APBB1IP: variants seen among roughly 807,000 people sequenced by gnomAD.
APBB1IP encodes the protein amyloid beta precursor protein binding family B member 1 interacting protein.
A neutral mutation model predicts 64.9 loss-of-function variants in APBB1IP; 27 were observed. That is an observed-to-expected ratio of 0.42 (90% CI 0.31 to 0.57). APBB1IP has a LOEUF of 0.57. Ranked by LOEUF, APBB1IP falls within the 20% of genes least tolerant of loss-of-function variation. APBB1IP has a pLI of 0.20. For synonymous variants in APBB1IP, 392 were observed against 331.0 expected (o/e 1.18, Z -2.00); for missense variants, 812 against 845.5 (o/e 0.96, Z 0.49).
chr10:26,481,544 G>C (rs1318536609), intron 2 of APBB1IP, among the ~76,000 whole-genome samples: 1 of 152,164 alleles, frequency 6.6e-6, no homozygotes, highest in African/African-American at 2.4e-5. Context: ...GAGGGCAGTA[G>C]TGCTGTCATA....
At position 26,511,969 on chromosome 10, in the gene APBB1IP, G is replaced by A. The variant is rs936065598; in HGVS notation, c.691+63G>A. 3.9e-6 allele frequency: 6 copies of A among 1,552,346 alleles called. No individual in the cohort carries two copies. The African/African-American group carries it at 8.3e-5, about 21-fold the overall frequency. On this transcript the variant is annotated intron_variant, in intron 7 of 14. Transcript: ENST00000376236. ...ACCTTGTGGGTTTGCTGTATAATGG[G>A]CTTGGGTTTATTCTTTTTTTCTCTT...
intron 2 of APBB1IP, among the ~76,000 whole-genome samples, chr10:26,454,098 A>G (rs1307300912): frequency 6.6e-6 from 1 of 152,232 alleles, no homozygotes; most frequent in Non-Finnish European, 1.5e-5. Context: ...AAAAAAATCC[A>G]GGCACAGAAT....
chr10:26,534,294 CA>C (rs71403804), intron 9 of APBB1IP, among the ~76,000 whole-genome samples: 3,257 of 58,482 alleles, frequency 0.056, 28 homozygotes, highest in African/African-American at 0.061. Context: ...GATCCAGTCT[CA>C]AAAAAAAAAA....
intron 4 of APBB1IP, 74 bp downstream of exon 4, chr10:26,496,465 T>A (rs907911480): frequency 4.7e-5 from 59 of 1,250,424 alleles, no homozygotes; most frequent in Non-Finnish European, 6.5e-5. Flanking sequence ...AAACTATAAT[T>A]TGAAAACTAA....
Position 26,546,074 on chromosome 10 carries a change from T to C in APBB1IP, c.1155+4382T>C, listed in dbSNP as rs544665579. ...AGGTCCTGTCAGAAAGATTGGCGTC[T>C]GAGTCCTGGCCCTGTCACCTAGTAA... On this transcript the variant is annotated intron_variant, in intron 11 of 14. Coordinates refer to ENST00000376236, the MANE Select transcript of APBB1IP (RefSeq NM_019043.4). Among the ~76,000 whole-genome samples the C allele has an allele frequency of 2.0e-5, 3 of 152,378 alleles. No individual in the cohort carries two copies. In the South Asian group the frequency reaches 6.2e-4, roughly 32 times the overall value.
chr10:26,441,968 G>A (rs1184881551), intron 2 of APBB1IP, among the ~76,000 whole-genome samples: 2 of 152,178 alleles, frequency 1.3e-5, no homozygotes, highest in African/African-American at 2.4e-5. Flanking sequence ...CACAGAGAGG[G>A]TAAGAAACTT....
chr10:26,453,995 T>G (rs559412389), intron 2 of APBB1IP, among the ~76,000 whole-genome samples: 40 of 152,182 alleles, frequency 2.6e-4, no homozygotes, highest in Non-Finnish European at 4.9e-4. Context: ...AAAGAAAATA[T>G]GGTACTTATC....
intron 2 of APBB1IP, among the ~76,000 whole-genome samples, chr10:26,481,826 C>CGTGTGTGT (rs71521683): frequency 5.4e-4 from 77 of 143,344 alleles, no homozygotes; most frequent in African/African-American, 1.5e-3. Flanking sequence ...CATCTCATTA[C>CGTGTGTGT]GTGTGTGTGT....
intron 2 of APBB1IP, among the ~76,000 whole-genome samples, chr10:26,457,711 C>T (rs1203383970): frequency 3.3e-5 from 5 of 152,134 alleles, no homozygotes; most frequent in African/African-American, 1.2e-4. Flanking sequence ...GAAATGCTCT[C>T]TATGCAATGG....
chr10:26,472,068 A>G (rs775032612), intron 2 of APBB1IP, among the ~76,000 whole-genome samples: 8 of 152,164 alleles, frequency 5.3e-5, no homozygotes, highest in Non-Finnish European at 1.0e-4. Flanking sequence ...TCAGTGACAG[A>G]TGCAGAACGT....
At position 26,478,120 on chromosome 10, in the gene APBB1IP, G is replaced by A. The variant is rs1835796104; in HGVS notation, c.1-14207G>A. Among the ~76,000 whole-genome samples the A allele has an allele frequency of 2.0e-5, 3 of 152,218 alleles. No individual in the cohort carries two copies. The South Asian group carries it at 6.2e-4, about 31-fold the overall frequency. ...AGTATAATTAGAGAAAGCAGAGGTG[G>A]TAGAAACAGTTGATTTTGAAATAGG... is the stretch of plus-strand genomic sequence containing the variant. On this transcript the variant is annotated intron_variant, in intron 2 of 14. Coordinates refer to ENST00000376236, the MANE Select transcript of APBB1IP (RefSeq NM_019043.4).
chr10:26,564,124 T>C (rs74818369), intron 14 of APBB1IP, among the ~76,000 whole-genome samples: 5,074 of 150,786 alleles, frequency 0.034, 294 homozygotes, highest in African/African-American at 0.12. Context: ...GAAGGCACTT[T>C]ATTAGAAAAA....
Position 26,533,073 on chromosome 10 carries a change from G to A in APBB1IP, c.814-366G>A, listed in dbSNP as rs558805690. ...TTCCCCTCTTGAGCATAGGACATGA[G>A]CTTGACCTTCACTCCAGCCTCCAGC... On this transcript the variant is annotated intron_variant, in intron 8 of 14. Coordinates refer to ENST00000376236, the MANE Select transcript of APBB1IP (RefSeq NM_019043.4). Among the ~76,000 whole-genome samples, 6 of 152,350 alleles carry A rather than the reference G, an allele frequency of 3.9e-5. No homozygotes were observed. The South Asian group carries it at 1.2e-3, about 32-fold the overall frequency.
intron 6 of APBB1IP, among the ~76,000 whole-genome samples, chr10:26,504,484 C>T (rs1173974657): frequency 6.6e-6 from 1 of 151,946 alleles, no homozygotes; most frequent in Non-Finnish European, 1.5e-5. Context: ...CTGAGGCGGG[C>T]GGATCACCTG....
intron 2 of APBB1IP, among the ~76,000 whole-genome samples, chr10:26,469,032 C>T (rs1476788358): frequency 6.6e-6 from 1 of 151,926 alleles, no homozygotes; most frequent in Non-Finnish European, 1.5e-5. Flanking sequence ...ACATAAACCA[C>T]AAGACAGAGA....
intron 2 of APBB1IP, among the ~76,000 whole-genome samples, chr10:26,469,457 G>T (rs1236237189): frequency 6.6e-6 from 1 of 151,810 alleles, no homozygotes; most frequent in Non-Finnish European, 1.5e-5. Flanking sequence ...CACCATGCTG[G>T]CCAGGCTGGT....
chr10:26,450,321 TC>T (rs1158660490), intron 2 of APBB1IP, among the ~76,000 whole-genome samples: 2 of 152,040 alleles, frequency 1.3e-5, no homozygotes, highest in Non-Finnish European at 2.9e-5. Flanking sequence ...CAAAATTAAA[TC>T]CCCCCTAGAA....
intron 6 of APBB1IP, among the ~76,000 whole-genome samples, chr10:26,510,764 ACACACACACAC>A (rs1836246834): frequency 6.6e-6 from 1 of 151,662 alleles, no homozygotes; most frequent in African/African-American, 2.4e-5. Flanking sequence ...ACACACACAC[ACACACACACAC>A]AAATGAAAAT....
At chr10:26,504,198 T>C (rs1258451776) in intron 6 of APBB1IP, among the ~76,000 whole-genome samples, 2 of 152,242 alleles carry the variant, frequency 1.3e-5, no homozygotes, top group Non-Finnish European at 2.9e-5. Flanking sequence ...ATGTCCAAGT[T>C]ATATCCCAGG....
Sources: allele counts gnomAD v4.1 joint callset (sites outside exome capture counted in the v4.1 genomes callset), GRCh38; gene constraint gnomAD v4.1.1; transcripts MANE v1.5; gene names NCBI Gene and HGNC (gene_info 2026-07-23, HGNC 2026-07-21).